Variants in MGAT5 observed in about 807,000 individuals in gnomAD.
The protein encoded by MGAT5 is alpha-1,6-mannosylglycoprotein 6-beta-N-acetylglucosaminyltransferase, also known as alpha-1,6-mannosylglycoprotein 6-beta-N-acetylglucosaminyltransferase A.
MGAT5 carries 30 observed loss-of-function variants against 94.3 expected under a neutral mutation model. The observed-to-expected ratio is 0.32, with a 90% CI of 0.24 to 0.43. MGAT5 has a LOEUF of 0.43. Among genes scored for constraint, MGAT5 ranks in the 20% least tolerant of loss-of-function variants. MGAT5 has a pLI of 1.00. For synonymous variants in MGAT5, 310 were observed against 322.9 expected, an observed-to-expected ratio of 0.96 and a Z score of 0.43; for missense variants, 691 against 905.5, an observed-to-expected ratio of 0.76 and a Z score of 3.04.
chr2:134,318,676 T>A lies in MGAT5; in HGVS notation c.510T>A (p.Asp170Glu). ...GGATGAAAGACATGTGGCGTTCAGA[T>A]CCCTGCTACGCAGACTATGGAGTGG... ...IKWMKDMWRS[D>E]PCYADYGVDG... The change falls in exon 4 of 16, where the codon GAT becomes GAA. Residue 170 changes from aspartate to glutamate, a missense_variant. By Grantham distance (45) the Asp-to-Glu change is conservative. This residue lies in a region of MGAT5 where 307 missense variants were observed against 335.4 expected (regional missense o/e 0.92). Coordinates refer to ENST00000281923, the MANE Select transcript of MGAT5 (RefSeq NM_002410.5). The A allele has an allele frequency of 1.2e-6, 2 of 1,613,528 alleles. No homozygotes were observed. Among genetic ancestry groups the A allele is most frequent in the Non-Finnish European group, 1.7e-6 (2 of 1,179,512 alleles).
intron 2 of MGAT5, among the ~76,000 whole-genome samples, chr2:134,280,567 A>G (rs920298377): frequency 9.2e-5 from 14 of 152,214 alleles, no homozygotes; most frequent in Admixed American, 2.0e-4. Context: ...TTACTGTGGA[A>G]ACTTTCCTTT....
chr2:134,372,432 T>G (rs1372647315), intron 10 of MGAT5, among the ~76,000 whole-genome samples: 1 of 152,210 alleles, frequency 6.6e-6, no homozygotes, highest in East Asian at 1.9e-4. Context: ...AACCCAGGAA[T>G]GCAAATAAAA....
At chr2:134,344,696 C>T (rs1688821155) in intron 7 of MGAT5, among the ~76,000 whole-genome samples, 1 of 152,046 alleles carries the variant, frequency 6.6e-6, no homozygotes, top group South Asian at 2.1e-4. Flanking sequence ...TCCTTGATTT[C>T]AAAGACTGTG....
At chr2:134,366,801 A>G (rs1055036491) in intron 10 of MGAT5, among the ~76,000 whole-genome samples, 2 of 152,200 alleles carry the variant, frequency 1.3e-5, no homozygotes, top group Non-Finnish European at 2.9e-5. Context: ...GGATTTGTAC[A>G]ATGTGTGGTA....
intron 7 of MGAT5, 117 bp from the exon 8 acceptor site, chr2:134,344,813 G>A: frequency 8.2e-7 from 1 of 1,213,354 alleles, no homozygotes; most frequent in Non-Finnish European, 1.2e-6. Flanking sequence ...GGGCCATGCT[G>A]TCATCTCTAA....
chr2:134,237,144 T>C (rs1285252058), intron 1 of MGAT5, among the ~76,000 whole-genome samples: 1 of 126,224 alleles, frequency 7.9e-6, no homozygotes, highest in African/African-American at 2.8e-5. Context: ...TGTGTGTGTG[T>C]GTGTGCGCGT....
At chr2:134,130,097 C>T (rs1043015822) in intron 1 of MGAT5, among the ~76,000 whole-genome samples, 1 of 152,188 alleles carries the variant, frequency 6.6e-6, no homozygotes, top group African/African-American at 2.4e-5. Flanking sequence ...CGCCGGGTCC[C>T]CCAGCACTGC....
rs567906602 is a variant in MGAT5 at position 134,341,854 on chromosome 2, G to A, written c.977+95G>A. 7 of 1,108,474 alleles carry A rather than the reference G, an allele frequency of 6.3e-6. No individual in the cohort carries two copies. In the African/African-American group the frequency reaches 6.4e-5, roughly 10 times the overall value. 68.7% of individuals were successfully genotyped at this position (1,108,474 alleles called of 1,614,324 possible). On this transcript the variant is annotated intron_variant, in intron 7 of 15. Coordinates refer to ENST00000281923, the MANE Select transcript of MGAT5 (RefSeq NM_002410.5). Reference sequence around the variant, plus strand: ...CTCTATTAGTGTATAATTTTTTGTCGAGGAAAATGAAAGTGATAATTCACT... The same window carrying A: ...CTCTATTAGTGTATAATTTTTTGTCAAGGAAAATGAAAGTGATAATTCACT...
At chr2:134,361,901 C>G (rs538193235) in intron 9 of MGAT5, among the ~76,000 whole-genome samples, 1 of 152,166 alleles carries the variant, frequency 6.6e-6, no homozygotes, top group Non-Finnish European at 1.5e-5. Context: ...CAGCCCTGCC[C>G]CCTACAGATT....
chr2:134,324,820 A>C (rs544397925), intron 4 of MGAT5, among the ~76,000 whole-genome samples: 3 of 152,078 alleles, frequency 2.0e-5, no homozygotes, highest in Non-Finnish European at 4.4e-5. Flanking sequence ...CACCCTTCAA[A>C]TGTTCAGCCA....
At chr2:134,223,706 G>A (rs1360916680) in intron 1 of MGAT5, among the ~76,000 whole-genome samples, 2 of 152,096 alleles carry the variant, frequency 1.3e-5, no homozygotes, top group African/African-American at 4.8e-5. Flanking sequence ...ATTATAGCAA[G>A]GCCAATTTAT....
rs549646468 is a variant in MGAT5, at chr2:134,308,908, T to C, written c.407-8621T>C. 2.0e-4 allele frequency among the ~76,000 whole-genome samples: 30 copies of C among 152,286 alleles called. 1 individual carries two copies. Among genetic ancestry groups the C allele is most frequent in the Middle Eastern group, 3.4e-3 (1 of 292 alleles). On this transcript the variant is annotated intron_variant, in intron 2 of 15. Coordinates refer to ENST00000281923, the MANE Select transcript of MGAT5 (RefSeq NM_002410.5). ...ATAATTAGTTCGATGTGGCTTTCAG[T>C]ATATTCAGTTGTGCAACCACCACAA...
At chr2:134,225,357 T>C (rs1371780892) in intron 1 of MGAT5, among the ~76,000 whole-genome samples, 2 of 152,240 alleles carry the variant, frequency 1.3e-5, no homozygotes, top group South Asian at 2.1e-4. Context: ...GATGACCAGA[T>C]CCTCACACGA....
chr2:134,290,097 G>A (rs1005459017), intron 2 of MGAT5, among the ~76,000 whole-genome samples: 2 of 152,164 alleles, frequency 1.3e-5, no homozygotes, highest in African/African-American at 4.8e-5. Context: ...GAGCTTTCCA[G>A]GTCATGCAGA....
chr2:134,340,301 A>G (rs1688551514), intron 6 of MGAT5, among the ~76,000 whole-genome samples: 1 of 152,298 alleles, frequency 6.6e-6, no homozygotes, highest in Admixed American at 6.5e-5. Flanking sequence ...CCAAGACAGA[A>G]GTTGTACCTG....
chr2:134,206,968 A>G (rs999133614), intron 1 of MGAT5, among the ~76,000 whole-genome samples: 3 of 152,208 alleles, frequency 2.0e-5, no homozygotes, highest in Non-Finnish European at 2.9e-5. Flanking sequence ...GCCACTAAGT[A>G]TAGGTAATTA....
At chr2:134,240,674 C>T (rs1039735989) in intron 1 of MGAT5, among the ~76,000 whole-genome samples, 4 of 152,184 alleles carry the variant, frequency 2.6e-5, no homozygotes, top group Non-Finnish European at 5.9e-5. Flanking sequence ...TGATTTTCCT[C>T]ATGCTATTTT....
chr2:134,215,080 C>T (rs1170292063), intron 1 of MGAT5, among the ~76,000 whole-genome samples: 1 of 152,200 alleles, frequency 6.6e-6, no homozygotes, highest in Non-Finnish European at 1.5e-5. Context: ...TTGTGAAATT[C>T]ATGTATATTG....
intron 1 of MGAT5, among the ~76,000 whole-genome samples, chr2:134,134,734 C>T (rs1051519285): frequency 3.3e-5 from 5 of 152,140 alleles, no homozygotes; most frequent in Admixed American, 3.3e-4. Context: ...TTGAGGAGAG[C>T]TACTAGCATT....
Sources: allele counts gnomAD v4.1 joint callset (sites outside exome capture counted in the v4.1 genomes callset), GRCh38; gene constraint gnomAD v4.1.1; regional missense constraint gnomAD v4.1.1; transcripts MANE v1.5; gene names NCBI Gene and HGNC (gene_info 2026-07-23, HGNC 2026-07-21).